The following SEC22C variants were observed in gnomAD, a reference collection of about 807,000 sequenced individuals.
The protein encoded by SEC22C is SEC22 homolog C, vesicle trafficking protein, also known as vesicle-trafficking protein SEC22c.
SEC22C carries 29 observed loss-of-function variants against 34.7 expected under a neutral mutation model. The ratio of observed to expected loss-of-function variants is 0.84; its 90% CI spans 0.62 to 1.14. The LOEUF is 1.14. SEC22C is among the 50% of genes most tolerant of loss of function. The pLI, the probability that SEC22C is intolerant of heterozygous loss-of-function variation, is 0.00. For missense variants in SEC22C, 337 were observed against 369.0 expected (o/e 0.91, Z 0.71); for synonymous variants, 117 against 132.8 (o/e 0.88, Z 0.82).
At chr3:42,569,105 G>A (rs1703447340) in intron 1 of SEC22C, 32 bp from the exon 2 acceptor site, 1 of 1,466,216 alleles carries the variant, frequency 6.8e-7, no homozygotes, top group East Asian at 2.3e-5. Context: ...TGTTACTGAG[G>A]CTCAAATGAC....
chr3:42,599,744 C>A (rs66786953), intron 1 of SEC22C, among the ~76,000 whole-genome samples: 25,995 of 151,422 alleles, frequency 0.17, 2,679 homozygotes, highest in African/African-American at 0.29. Context: ...GACTGTATAT[C>A]CCAATAGGAA....
chr3:42,553,079 A>G lies in SEC22C; in HGVS notation c.*169T>C. On this transcript the variant is annotated 3_prime_UTR_variant, in exon 7 of 7. Coordinates refer to ENST00000264454, the MANE Select transcript of SEC22C (RefSeq NM_032970.4). ...GGCACAGAACCAAGGCTGGGTATCA[A>G]GCAACCTCATGACTTCCACTGCAAC... The G allele has an allele frequency of 1.4e-6, 2 of 1,437,678 alleles. No individual in the cohort carries two copies. The highest frequency in any genetic ancestry group is 1.8e-6 in the Non-Finnish European group (2 of 1,102,726). The allele number at this position is 1,437,678 out of a possible 1,614,324, so 89.1% of individuals were successfully genotyped here.
intron 1 of SEC22C, chr3:42,590,977 A>T (rs768706056): frequency 5.3e-5 from 20 of 374,376 alleles, no homozygotes; most frequent in Admixed American, 3.6e-4. Flanking sequence ...GTGAGCATCC[A>T]CGCGGGCGGG....
intron 1 of SEC22C, among the ~76,000 whole-genome samples, chr3:42,588,379 T>G (rs1337104046): frequency 6.6e-6 from 1 of 152,154 alleles, no homozygotes. Flanking sequence ...CACTCCAGCT[T>G]GGGCAACAGA....
chr3:42,572,540 A>C (rs1490097673), intron 1 of SEC22C, among the ~76,000 whole-genome samples: 1 of 152,136 alleles, frequency 6.6e-6, no homozygotes, highest in Non-Finnish European at 1.5e-5. Context: ...CAGAATTCCT[A>C]TCTCTCCCAG....
chr3:42,560,096 TTCTCTCTCTCTC>T (rs4016302), intron 4 of SEC22C, among the ~76,000 whole-genome samples: 1 of 138,704 alleles, frequency 7.2e-6, no homozygotes, highest in African/African-American at 2.7e-5. Flanking sequence ...ATGATAAGGA[TTCTCTCTCTCTC>T]TCTCTCTCTC....
chr3:42,561,336 GAA>G, intron 3 of SEC22C, 40 bp from the exon 4 acceptor site: 1 of 1,585,172 alleles, frequency 6.3e-7, no homozygotes, highest in Non-Finnish European at 8.7e-7. Flanking sequence ...ATTTTCATCA[GAA>G]TGGATATTAT....
At chr3:42,578,930 A>C (rs979627348) in intron 1 of SEC22C, among the ~76,000 whole-genome samples, 5 of 152,198 alleles carry the variant, frequency 3.3e-5, no homozygotes, top group African/African-American at 1.2e-4. Context: ...AAGGTACTAT[A>C]ATCTCAGGAC....
chr3:42,598,681 G>C (rs1031363567), intron 1 of SEC22C, among the ~76,000 whole-genome samples: 9 of 152,026 alleles, frequency 5.9e-5, no homozygotes, highest in African/African-American at 1.7e-4. Context: ...ACAAATACTA[G>C]AGTAGACAAA....
intron 1 of SEC22C, among the ~76,000 whole-genome samples, chr3:42,572,633 A>G (rs953713813): frequency 6.6e-6 from 1 of 152,230 alleles, no homozygotes; most frequent in Non-Finnish European, 1.5e-5. Context: ...TTGGGCAGTA[A>G]TAAGACAGTC....
At chr3:42,578,294 T>C (rs1704095362) in intron 1 of SEC22C, among the ~76,000 whole-genome samples, 1 of 152,224 alleles carries the variant, frequency 6.6e-6, no homozygotes, top group East Asian at 1.9e-4. Context: ...TGCATTATGC[T>C]TGGTTATAAA....
rs1306523971 is a variant in SEC22C, at chr3:42,563,489, A to C, written c.346+34T>G. 1.9e-6 allele frequency: 3 copies of C among 1,581,644 alleles called. No individual in the cohort carries two copies. The South Asian group carries it at 3.5e-5, about 18-fold the overall frequency. On this transcript the variant is annotated intron_variant, in intron 3 of 6. Transcript: ENST00000264454. Reference sequence around the variant, plus strand: ...AAATTCTACACATATAACACCATGGAAGAGAAAAATAAATATGAAAGAGGG... The same window carrying C: ...AAATTCTACACATATAACACCATGGCAGAGAAAAATAAATATGAAAGAGGG...
intron 1 of SEC22C, among the ~76,000 whole-genome samples, chr3:42,600,004 T>G (rs1705216190): frequency 6.6e-6 from 1 of 152,110 alleles, no homozygotes; most frequent in South Asian, 2.1e-4. Flanking sequence ...AGGCCCAGAT[T>G]GGGAAAAAGA....
chr3:42,552,192 G>T lies in SEC22C; in HGVS notation c.*1056C>A, dbSNP rs1192817831. On this transcript the variant is annotated 3_prime_UTR_variant, in exon 7 of 7. Transcript: ENST00000264454. ...TCTATCAAGCTTTAAAAAGTTAACAGATACTTAACTCTTGTTCATAAAAAA... is the reference window on the plus strand; with the variant it reads ...TCTATCAAGCTTTAAAAAGTTAACATATACTTAACTCTTGTTCATAAAAAA... 2 of 984,568 alleles carry T rather than the reference G, an allele frequency of 2.0e-6. No individual in the cohort carries two copies. The highest frequency in any genetic ancestry group is 2.4e-6 in the Non-Finnish European group (2 of 829,260). The allele number at this position is 984,568 out of a possible 1,614,324, so 61.0% of individuals were successfully genotyped here. A position where few individuals can be genotyped will look rare whatever the true frequency, so the allele number is the denominator to read the frequency against.
rs983527818 is a variant in SEC22C, at chr3:42,548,577, G to A, written c.*4671C>T. 1 of 1,611,660 alleles carries A rather than the reference G, an allele frequency of 6.2e-7. No individual in the cohort carries two copies. The highest frequency in any genetic ancestry group is 1.3e-5 in the African/African-American group (1 of 74,990). On this transcript the variant is annotated 3_prime_UTR_variant, in exon 7 of 7. Transcript: ENST00000264454. ...TTGACATCACTGCTCCCGGATGGGA[G>A]AATCAGAGCTCTCCTCATTTGGGTC...
intron 1 of SEC22C, among the ~76,000 whole-genome samples, chr3:42,599,595 G>T (rs956971068): frequency 2.8e-4 from 42 of 151,192 alleles, no homozygotes; most frequent in African/African-American, 9.2e-4. Flanking sequence ...GGGAGGCTGA[G>T]GCAGGAGAAT....
Position 42,549,886 on chromosome 3 carries a change from G to C in SEC22C, c.*3362C>G, listed in dbSNP as rs370916658. ...GAAAAGAGGGATGCAAGCCCAAAAAGCAAAAGCAGGAGCTTATGGTCACAT... is the reference window on the plus strand; with the variant it reads ...GAAAAGAGGGATGCAAGCCCAAAAACCAAAAGCAGGAGCTTATGGTCACAT... On this transcript the variant is annotated 3_prime_UTR_variant, in exon 7 of 7. Coordinates refer to ENST00000264454, the MANE Select transcript of SEC22C (RefSeq NM_032970.4). 3.0e-6 allele frequency: 3 copies of C among 985,324 alleles called. No individual in the cohort carries two copies. Among genetic ancestry groups the C allele is most frequent in the East Asian group, 2.3e-4 (2 of 8,820 alleles). 61.0% of individuals were successfully genotyped at this position (985,324 alleles called of 1,614,324 possible).
At chr3:42,556,456 G>A (rs1283522200) in intron 5 of SEC22C, among the ~76,000 whole-genome samples, 2 of 152,286 alleles carry the variant, frequency 1.3e-5, no homozygotes, top group Admixed American at 1.3e-4. Flanking sequence ...GTAAGTATCT[G>A]GCTAAGAGCA....
chr3:42,557,721 G>A (rs1393460385), intron 4 of SEC22C, 25 bp from the exon 5 acceptor site: 2 of 1,211,872 alleles, frequency 1.7e-6, no homozygotes, highest in African/African-American at 1.5e-5. Context: ...AAAAACAAGT[G>A]TCTAGTGTAA....
Sources: gnomAD v4.1 joint callset for allele counts (sites outside exome capture counted in the v4.1 genomes callset) on GRCh38, gnomAD v4.1.1 for gene constraint, MANE v1.5 for transcripts, NCBI Gene and HGNC (gene_info 2026-07-23, HGNC 2026-07-21) for gene names.